The following MON1A variants were observed in gnomAD, a reference collection of about 807,000 sequenced individuals.
The protein encoded by MON1A is MON1 vesicular trafficking associated A.
A neutral mutation model predicts 44.6 loss-of-function variants in MON1A; 29 were observed. That is an observed-to-expected ratio of 0.65 (90% CI 0.48 to 0.89). The LOEUF (loss-of-function observed/expected upper bound fraction) is 0.89. Ranked by LOEUF, MON1A falls within the 40% of genes least tolerant of loss-of-function variation. The pLI is 0.00. For missense variants in MON1A, 615 were observed against 759.6 expected (o/e 0.81, Z 2.24); for synonymous variants, 275 against 316.4 (o/e 0.87, Z 1.39).
At chr3:49,922,279 C>G (rs2083005408) in intron 1 of MON1A, among the ~76,000 whole-genome samples, 2 of 151,890 alleles carry the variant, frequency 1.3e-5, no homozygotes, top group Non-Finnish European at 2.9e-5. Flanking sequence ...AACCCCGTCT[C>G]TATTAAAAAT....
Position 49,909,112 on chromosome 3 carries a change from C to G in MON1A, c.1570G>C (p.Gly524Arg). ...FELYMCYSPL[G>R]TKASAVSAIH... ...GCACTGACGGCTGACGCCTTGGTCC[C>G]CAGGGGGCTGTAACACATGTAGAGC... The change falls in exon 6 of 6, where the codon GGG (glycine) becomes CGG (arginine). Residue 524 changes from glycine (G) to arginine (R), a missense_variant. Coordinates refer to ENST00000296473, the MANE Select transcript of MON1A (RefSeq NM_032355.4). This position sits in a 1 kb window ranked among gnomAD's most constrained non-coding sequence, Gnocchi z 4.0. The G allele has an allele frequency of 6.2e-7, 1 of 1,613,458 alleles. No individual in the cohort carries two copies.
At chr3:49,918,076 C>T (rs2082963260) in intron 1 of MON1A, among the ~76,000 whole-genome samples, 1 of 151,856 alleles carries the variant, frequency 6.6e-6, no homozygotes, top group Non-Finnish European at 1.5e-5. Flanking sequence ...GTGGCACACA[C>T]CTGTAATCCC....
chr3:49,910,339 G>C lies in MON1A; in HGVS notation c.1159C>G (p.Pro387Ala). ...FFHAHISYLE[P>A]DTDLCLLLVS... is the part of the protein sequence containing the mutation. ...AGCAGCAGGCAGAGGTCAGTGTCAG[G>C]CTCTAGGTAAGAGATGTGTGCGTGG... Residue 387 changes from proline (P) to alanine (A), a missense_variant, in exon 4 of 6, where the codon CCT becomes GCT. By Grantham distance (27) the Pro-to-Ala change is conservative. Transcript: ENST00000296473. The surrounding 1 kb of genome is among the most constrained non-coding windows in gnomAD (Gnocchi z 8.0). The C allele has an allele frequency of 3.1e-6, 5 of 1,614,222 alleles. No individual in the cohort carries two copies. The highest frequency in any genetic ancestry group is 3.4e-6 in the Non-Finnish European group (4 of 1,180,042).
At chr3:49,920,098 C>G (rs2082983806) in intron 1 of MON1A, among the ~76,000 whole-genome samples, 1 of 152,218 alleles carries the variant, frequency 6.6e-6, no homozygotes, top group Admixed American at 6.5e-5. Flanking sequence ...CCCATTCTCT[C>G]TAAACCAGTT....
chr3:49,918,881 G>A (rs1466899165), intron 1 of MON1A, among the ~76,000 whole-genome samples: 1 of 152,000 alleles, frequency 6.6e-6, no homozygotes, highest in African/African-American at 2.4e-5. Flanking sequence ...GATATTTCTT[G>A]TCTTCAAAAC....
intron 1 of MON1A, among the ~76,000 whole-genome samples, chr3:49,922,028 T>C (rs1022128473): frequency 1.3e-5 from 2 of 150,858 alleles, no homozygotes; most frequent in South Asian, 2.1e-4. Context: ...TCCCAGCTAC[T>C]TGGGAGGCTG....
rs10564221 is a variant in MON1A at position 49,911,190 on chromosome 3, TTAGATAGATAGA to T, written c.614-318_614-307del. 0.015 allele frequency among the ~76,000 whole-genome samples: 1,479 copies of T among 95,544 alleles called. 16 individuals carry two copies. Among genetic ancestry groups the T allele is most frequent in the Non-Finnish European group, 0.019 (853 of 43,862 alleles). The allele number at this position is 95,544 out of a possible 152,430, so 62.7% of individuals were successfully genotyped here. A position where few individuals can be genotyped will look rare whatever the true frequency, so the allele number is the denominator to read the frequency against. ...GCTCAGGACCTGGGAGATAGATAGA[TTAGATAGATAGA>T]TAGATAGATAGATAGATAGATAGAT... is the stretch of plus-strand genomic sequence containing the variant. On this transcript the variant is annotated intron_variant, in intron 3 of 5. Coordinates refer to ENST00000296473, the MANE Select transcript of MON1A (RefSeq NM_032355.4). The surrounding 1 kb of genome is among the most constrained non-coding windows in gnomAD (Gnocchi z 5.7).
At chr3:49,928,413 C>T (rs2083068600) in intron 1 of MON1A, among the ~76,000 whole-genome samples, 1 of 152,160 alleles carries the variant, frequency 6.6e-6, no homozygotes, top group African/African-American at 2.4e-5. Flanking sequence ...TAGAACCAGC[C>T]CCAGATGCCC....
At chr3:49,925,276 G>A (rs997241858) in intron 1 of MON1A, among the ~76,000 whole-genome samples, 2 of 151,832 alleles carry the variant, frequency 1.3e-5, no homozygotes, top group Non-Finnish European at 2.9e-5. Flanking sequence ...CACCATGCCT[G>A]GCTAATTTTT....
intron 1 of MON1A, among the ~76,000 whole-genome samples, chr3:49,925,880 G>A (rs2083047475): frequency 6.6e-6 from 1 of 152,196 alleles, no homozygotes; most frequent in Non-Finnish European, 1.5e-5. Flanking sequence ...CTACCACTGT[G>A]GTCAAAGCCA....
chr3:49,929,157 G>A (rs2083073968), intron 1 of MON1A, among the ~76,000 whole-genome samples: 1 of 152,206 alleles, frequency 6.6e-6, no homozygotes, highest in Non-Finnish European at 1.5e-5. Context: ...GGGAGGCGGA[G>A]GTTGCAGAGA....
At chr3:49,922,653 AAGGAAAGAAGCC>A (rs1310659099) in intron 1 of MON1A, among the ~76,000 whole-genome samples, 4 of 151,184 alleles carry the variant, frequency 2.6e-5, no homozygotes, top group East Asian at 4.0e-4. Context: ...GAAAAGAAGA[AAGGAAAGAAGCC>A]AGGAAAGAAG....
rs750550804 is a variant in MON1A, at chr3:49,911,766, C to T, written c.373G>A (p.Gly125Arg). The T allele has an allele frequency of 6.2e-7, 1 of 1,613,448 alleles. No homozygotes were observed. The highest frequency in any genetic ancestry group is 8.5e-7 in the Non-Finnish European group (1 of 1,179,796). The stretch of plus-strand genomic sequence containing the variant: ...TCTGTGGCTGGTCGCCCAACTGCCC[C>T]TGGGGGTTCCAGCCAATCCTCAGAG... The part of the protein sequence containing the change: ...GSSEDWLEPP[G>R]AVGRPATEPP... Residue 125 changes from glycine (G) to arginine (R), a missense_variant, in exon 3 of 6, where the codon GGG becomes AGG. Physicochemically the swap from Gly to Arg is moderately radical, Grantham distance 125. Transcript: ENST00000296473. The surrounding 1 kb of genome is among the most constrained non-coding windows in gnomAD (Gnocchi z 5.7).
Position 49,910,222 on chromosome 3 carries a change from G to C in MON1A, c.1276C>G (p.Leu426Val). 6.2e-7 allele frequency: 1 copy of C among 1,614,128 alleles called. No individual in the cohort carries two copies. Among genetic ancestry groups the C allele is most frequent in the Non-Finnish European group, 8.5e-7 (1 of 1,180,004 alleles). ...RLRKRGAHLA[L>V]REALRTPYYS... ...TAGGGTGTGCGCAGTGCCTCTCGCA[G>C]GGCCAGGTGGGCTCCGCGCTTGCGA... The change falls in exon 4 of 6, where the codon CTG (leucine) becomes GTG (valine). Residue 426 changes from leucine to valine, a missense_variant. Leu to Val is a conservative substitution (Grantham distance 32). Transcript: ENST00000296473. This position sits in a 1 kb window ranked among gnomAD's most constrained non-coding sequence, Gnocchi z 8.0.
At chr3:49,913,547 TATTC>T (rs768146381) in intron 1 of MON1A, among the ~76,000 whole-genome samples, 188 bp from the exon 2 acceptor site, 51 of 151,276 alleles carry the variant, frequency 3.4e-4, no homozygotes, top group Non-Finnish European at 4.6e-4. Flanking sequence ...AAGGAAGACA[TATTC>T]ATTGTAAAAA....
chr3:49,911,960 A>C lies in MON1A; in HGVS notation c.179T>G (p.Leu60Arg). ...MFVHARSYED[L>R]TESEDGAASG... ...AGCTGCCCCATCCTCTGACTCAGTC[A>C]GGTCCTCGTAGGAACGGGCATGGAC... The change falls in exon 3 of 6, where the codon CTG becomes CGG. Residue 60 changes from leucine to arginine, a missense_variant. Coordinates refer to ENST00000296473, the MANE Select transcript of MON1A (RefSeq NM_032355.4). This position sits in a 1 kb window ranked among gnomAD's most constrained non-coding sequence, Gnocchi z 5.7. 1 of 1,611,526 alleles carries C rather than the reference A, an allele frequency of 6.2e-7. No individual in the cohort carries two copies. The highest frequency in any genetic ancestry group is 8.5e-7 in the Non-Finnish European group (1 of 1,178,358).
rs1276859627 is a variant in MON1A, at chr3:49,911,347, T to C, written c.613+179A>G. Among the ~76,000 whole-genome samples, 1 of 152,132 alleles carries C rather than the reference T, an allele frequency of 6.6e-6. No homozygotes were observed. The highest frequency in any genetic ancestry group is 2.1e-4 in the South Asian group (1 of 4,828). On this transcript the variant is annotated intron_variant, in intron 3 of 5. Transcript: ENST00000296473. The surrounding 1 kb of genome is among the most constrained non-coding windows in gnomAD (Gnocchi z 5.7). Reference sequence around the variant, plus strand: ...AACTTTGGTCCTCGCCGCAGCCCCATGAGGCCAGCAGTGTTGTTATCTTCT... The same window carrying C: ...AACTTTGGTCCTCGCCGCAGCCCCACGAGGCCAGCAGTGTTGTTATCTTCT...
intron 1 of MON1A, among the ~76,000 whole-genome samples, chr3:49,917,111 C>CT (rs1258011411): frequency 7.2e-5 from 11 of 152,140 alleles, no homozygotes; most frequent in Non-Finnish European, 1.5e-4. Flanking sequence ...CAGGCGTGAG[C>CT]CACCATGCGT....
At chr3:49,920,815 G>A (rs1443490281) in intron 1 of MON1A, 3 of 150,574 alleles carry the variant, frequency 2.0e-5, no homozygotes, top group Non-Finnish European at 4.4e-5. Flanking sequence ...TCTAGCCTGG[G>A]TAGCAGAGCC....
Sources: allele counts gnomAD v4.1 joint callset (sites outside exome capture counted in the v4.1 genomes callset), GRCh38; gene constraint gnomAD v4.1.1; non-coding constraint Gnocchi (gnomAD v3.1); transcripts MANE v1.5; gene names NCBI Gene and HGNC (gene_info 2026-07-23, HGNC 2026-07-21).